SEM1: variants seen among roughly 807,000 people sequenced by gnomAD.
The protein encoded by SEM1 is 26S proteasome complex subunit SEM1.
SEM1 carries 3 observed loss-of-function variants against 12.7 expected under a neutral mutation model. That is an observed-to-expected ratio of 0.24 (90% CI 0.11 to 0.61). SEM1 has a LOEUF of 0.61. Ranked by LOEUF, SEM1 falls within the 20% of genes least tolerant of loss-of-function variation. The pLI, the probability that SEM1 is intolerant of heterozygous loss-of-function variation, is 0.88. For synonymous variants in SEM1, 30 were observed against 27.8 expected (o/e 1.08, Z -0.25); for missense variants, 59 against 81.3 (o/e 0.73, Z 1.06).
At chr7:96,629,897 C>T (rs1283210907) in intron 2 of SEM1, among the ~76,000 whole-genome samples, 1 of 152,184 alleles carries the variant, frequency 6.6e-6, no homozygotes, top group Non-Finnish European at 1.5e-5. Context: ...GAGGTACTGC[C>T]TTGATGGTCT....
At chr7:96,577,095 C>A (rs972475618) in intron 2 of SEM1, among the ~76,000 whole-genome samples, 9 of 137,004 alleles carry the variant, frequency 6.6e-5, no homozygotes, top group South Asian at 2.5e-4. Context: ...CCAACCTGGG[C>A]AACAAGAGCA....
At chr7:96,500,586 A>T (rs1172152935), upstream of SEM1, among the ~76,000 whole-genome samples, 1 of 152,120 alleles carries the variant, frequency 6.6e-6, no homozygotes, top group Non-Finnish European at 1.5e-5. Context: ...TGCATATTCC[A>T]GGGGGACCTC....
Position 96,695,473 on chromosome 7 carries a change from G to A in SEM1, c.77-582C>T, listed in dbSNP as rs531579969. On this transcript the variant is annotated intron_variant, in intron 1 of 2. Coordinates refer to ENST00000248566, the MANE Select transcript of SEM1 (RefSeq NM_006304.2). ...TTGGTAGTGGTAGAGGGGAGGTTTA[G>A]ATTGAGATTTCAGCTTTTGTTTAGA... The A allele has an allele frequency of 2.6e-5, 4 of 151,896 alleles. No homozygotes were observed. The East Asian group carries it at 5.8e-4, about 22-fold the overall frequency. The allele number at this position is 151,896 out of a possible 1,614,324, so 9.4% of individuals were successfully genotyped here. A position where few individuals can be genotyped will look rare whatever the true frequency, so the allele number is the denominator to read the frequency against.
chr7:96,561,950 A>G (rs1433916500), intron 2 of SEM1, among the ~76,000 whole-genome samples: 3 of 152,176 alleles, frequency 2.0e-5, no homozygotes, highest in African/African-American at 7.2e-5. Context: ...ACTAAAAGGG[A>G]TAGAACACTT....
chr7:96,569,702 CT>C (rs887858741), intron 2 of SEM1, among the ~76,000 whole-genome samples: 2 of 152,040 alleles, frequency 1.3e-5, no homozygotes, highest in African/African-American at 4.8e-5. Context: ...CCTTCTGCAT[CT>C]TTTTTTAGTC....
At chr7:96,512,183 A>C (rs968967171) in intron 2 of SEM1, among the ~76,000 whole-genome samples, 1 of 152,090 alleles carries the variant, frequency 6.6e-6, no homozygotes, top group Non-Finnish European at 1.5e-5. Context: ...CCATTATTTA[A>C]GGCCCATATC....
downstream of SEM1, chr7:96,621,512 G>A (rs1054348229): frequency 2.6e-5 from 4 of 152,184 alleles, no homozygotes; most frequent in African/African-American, 9.7e-5. Flanking sequence ...CCATTGGTGA[G>A]GACAGAAGTG....
intron 2 of SEM1, among the ~76,000 whole-genome samples, chr7:96,668,036 C>A (rs1270716942): frequency 1.3e-5 from 2 of 152,054 alleles, no homozygotes; most frequent in Non-Finnish European, 2.9e-5. Flanking sequence ...GGAAACCCAC[C>A]CACGAATACT....
chr7:96,593,410 C>T (rs1806895397), intron 2 of SEM1, among the ~76,000 whole-genome samples: 1 of 152,124 alleles, frequency 6.6e-6, no homozygotes, highest in African/African-American at 2.4e-5. Flanking sequence ...CATATACATA[C>T]CTCCTAGAAA....
At chr7:96,633,394 G>A (rs1170504496) in intron 2 of SEM1, among the ~76,000 whole-genome samples, 1 of 151,860 alleles carries the variant, frequency 6.6e-6, no homozygotes, top group Non-Finnish European at 1.5e-5. Flanking sequence ...ACACGGGGTT[G>A]GATTACCACA....
Position 96,515,729 on chromosome 7 carries a change from A to C in SEM1, c.171-9031T>G, listed in dbSNP as rs6958984. Among the ~76,000 whole-genome samples the C allele has an allele frequency of 4.9e-3, 739 of 152,290 alleles. 3 individuals are homozygous for C. The highest frequency in any genetic ancestry group is 0.015 in the African/African-American group (631 of 41,558). The stretch of plus-strand genomic sequence containing the variant: ...GGATGAGTTCCTGCCCTTTGCAGGG[A>C]CATGGATGAAGCTGGAAACCATCAT... On this transcript the variant is annotated intron_variant and NMD_transcript_variant, in intron 2 of 3. Transcript: ENST00000466986.
At chr7:96,604,716 C>T (rs926957828) in intron 2 of SEM1, among the ~76,000 whole-genome samples, 4 of 151,784 alleles carry the variant, frequency 2.6e-5, no homozygotes, top group African/African-American at 7.3e-5. Context: ...GTCCAGAGTT[C>T]GAGACCAGCC....
In SEM1 at chr7:96,486,550, A is replaced by G. The variant is rs974075168; in HGVS notation, c.13-133T>C. 7 of 698,464 alleles carry G rather than the reference A, an allele frequency of 1.0e-5. No individual in the cohort carries two copies. The Admixed American group carries it at 1.3e-4, about 13-fold the overall frequency. The allele number at this position is 698,464 out of a possible 1,614,324, so 43.3% of individuals were successfully genotyped here. A position where few individuals can be genotyped will look rare whatever the true frequency, so the allele number is the denominator to read the frequency against. On this transcript the variant is annotated intron_variant, in intron 1 of 3. Coordinates refer to the SEM1 transcript ENST00000356686. ...AGCAGCCTCCTTGAGTGAGGTGGGG[A>G]AACCAAAAGCAGTGTAAGAGCAGGG...
chr7:96,705,167 C>T (rs1790410549), intron 1 of SEM1, among the ~76,000 whole-genome samples: 1 of 152,100 alleles, frequency 6.6e-6, no homozygotes, highest in African/African-American at 2.4e-5. Flanking sequence ...CTGTCTTATC[C>T]AGAAATTTCT....
intron 2 of SEM1, among the ~76,000 whole-genome samples, chr7:96,526,564 G>A (rs1050293157): frequency 6.6e-5 from 10 of 152,072 alleles, no homozygotes; most frequent in Non-Finnish European, 1.5e-4. Context: ...AGTATCCTAG[G>A]AAAAGGCAGG....
chr7:96,610,523 G>A (rs1807508834), intron 2 of SEM1, among the ~76,000 whole-genome samples: 1 of 152,212 alleles, frequency 6.6e-6, no homozygotes, highest in African/African-American at 2.4e-5. Context: ...AAGTCCTGCT[G>A]TGCTCAAATA....
chr7:96,547,711 A>T (rs919159303), intron 2 of SEM1, among the ~76,000 whole-genome samples: 2 of 152,106 alleles, frequency 1.3e-5, no homozygotes, highest in Non-Finnish European at 2.9e-5. Flanking sequence ...TTTGGCTTGC[A>T]CAGAGCTTGT....
At chr7:96,618,945 T>C (rs1807801549), downstream of SEM1, among the ~76,000 whole-genome samples, 1 of 152,164 alleles carries the variant, frequency 6.6e-6, no homozygotes, top group African/African-American at 2.4e-5. Flanking sequence ...AGAAAGACCG[T>C]GTCTTAAAAA....
chr7:96,707,038 G>A (rs961332355), intron 1 of SEM1, among the ~76,000 whole-genome samples: 2 of 152,158 alleles, frequency 1.3e-5, no homozygotes, highest in Non-Finnish European at 2.9e-5. Context: ...ATTGAAAATA[G>A]GTCACTGTTT....
Sources: gnomAD v4.1 joint callset for allele counts (sites outside exome capture counted in the v4.1 genomes callset) on GRCh38, gnomAD v4.1.1 for gene constraint, MANE v1.5 for transcripts, NCBI Gene and HGNC (gene_info 2026-07-23, HGNC 2026-07-21) for gene names.